Variants in TMEFF1 observed in about 807,000 individuals in gnomAD.
TMEFF1 encodes transmembrane protein with EGF like and two follistatin like domains 1.
A neutral mutation model predicts 47.5 loss-of-function variants in TMEFF1; 20 were observed. That is an observed-to-expected ratio of 0.42 (90% confidence interval 0.30 to 0.61). The LOEUF (loss-of-function observed/expected upper bound fraction) is 0.61, where lower values mean the gene tolerates loss of function less well. Among genes scored for constraint, TMEFF1 ranks in the 20% least tolerant of loss-of-function variants. The pLI, the probability that TMEFF1 is intolerant of heterozygous loss-of-function variation, is 0.19. For missense variants in TMEFF1, 411 were observed against 471.1 expected, an observed-to-expected ratio of 0.87 and a Z score of 1.18; for synonymous variants, 162 against 166.3, an observed-to-expected ratio of 0.97 and a Z score of 0.20.
At chr9:100,545,315 C>T (rs532910693) in intron 5 of TMEFF1, among the ~76,000 whole-genome samples, 1 of 152,320 alleles carries the variant, frequency 6.6e-6, no homozygotes, top group African/African-American at 2.4e-5. Context: ...GTTCCCAAAC[C>T]CCATTTCTTG....
chr9:100,563,329 G>A (rs941369635), intron 8 of TMEFF1, among the ~76,000 whole-genome samples: 4 of 152,224 alleles, frequency 2.6e-5, no homozygotes, highest in African/African-American at 9.6e-5. Flanking sequence ...CTTGATAGAA[G>A]TTTGGATCTT....
chr9:100,512,880 T>A (rs1029587370), intron 3 of TMEFF1, among the ~76,000 whole-genome samples: 2 of 152,138 alleles, frequency 1.3e-5, no homozygotes, highest in African/African-American at 4.8e-5. Context: ...GATTTTTTTT[T>A]TTGTAGTAAG....
intron 1 of TMEFF1, among the ~76,000 whole-genome samples, chr9:100,493,365 C>T (rs1016617777): frequency 3.9e-5 from 6 of 152,096 alleles, no homozygotes; most frequent in South Asian, 2.1e-4. Context: ...TTCTTTTTAA[C>T]GGAAGGGTGG....
At chr9:100,552,548 A>AT (rs1421680823) in intron 7 of TMEFF1, among the ~76,000 whole-genome samples, 1 of 152,154 alleles carries the variant, frequency 6.6e-6, no homozygotes, top group Non-Finnish European at 1.5e-5. Context: ...TTCAGTATAA[A>AT]TTTGTGAGTC....
intron 6 of TMEFF1, among the ~76,000 whole-genome samples, chr9:100,548,972 A>C (rs950337157): frequency 1.3e-5 from 2 of 152,140 alleles, no homozygotes; most frequent in Non-Finnish European, 2.9e-5. Context: ...TTGAGTGGGA[A>C]GACTAGCTTA....
At chr9:100,500,033 A>G (rs1010109712) in intron 2 of TMEFF1, among the ~76,000 whole-genome samples, 1 of 152,170 alleles carries the variant, frequency 6.6e-6, no homozygotes, top group Non-Finnish European at 1.5e-5. Context: ...CTGGCTTCAG[A>G]TCCCTGCTGC....
In TMEFF1 at chr9:100,497,320, CTTT is replaced by C. The variant is rs752427622; in HGVS notation, c.197-1423_197-1421del. On this transcript the variant is annotated intron_variant, in intron 1 of 9. Coordinates refer to ENST00000374879, the MANE Select transcript of TMEFF1 (RefSeq NM_003692.5). ...TCTTGCTTTAAGTTTCCACTCATGT[CTTT>C]TTTTTTTTTTTTTTTTTTTTTGGTG... 1.6e-3 allele frequency among the ~76,000 whole-genome samples: 95 copies of C among 59,544 alleles called. No individual in the cohort carries two copies. The East Asian group carries it at 0.041, about 26-fold the overall frequency. 39.1% of individuals were successfully genotyped at this position (59,544 alleles called of 152,430 possible).
chr9:100,473,776 C>A lies in TMEFF1; in HGVS notation c.196+36C>A. On this transcript the variant is annotated intron_variant, in intron 1 of 9. Coordinates refer to ENST00000374879, the MANE Select transcript of TMEFF1 (RefSeq NM_003692.5). This position sits in a 1 kb window ranked among gnomAD's most constrained non-coding sequence, Gnocchi z 5.4. ...TCGGAGCCGGCCCTAGGTCTTCCCACCCCTCCGTTGCCGCCTCCCTCGTGG... is the reference window on the plus strand; with the variant it reads ...TCGGAGCCGGCCCTAGGTCTTCCCAACCCTCCGTTGCCGCCTCCCTCGTGG... The A allele has an allele frequency of 7.0e-7, 1 of 1,438,354 alleles. No homozygotes were observed. Among genetic ancestry groups the A allele is most frequent in the Non-Finnish European group, 9.2e-7 (1 of 1,086,104 alleles). 89.1% of individuals were successfully genotyped at this position (1,438,354 alleles called of 1,614,324 possible).
intron 5 of TMEFF1, among the ~76,000 whole-genome samples, chr9:100,527,593 C>G (rs547126593): frequency 2.6e-5 from 4 of 152,194 alleles, no homozygotes; most frequent in African/African-American, 9.7e-5. Flanking sequence ...GGGTCCTACA[C>G]CCATATAGTC....
Position 100,496,779 on chromosome 9 carries a change from A to G in TMEFF1, c.197-1986A>G, listed in dbSNP as rs186317897. On this transcript the variant is annotated intron_variant, in intron 1 of 9. Coordinates refer to ENST00000374879, the MANE Select transcript of TMEFF1 (RefSeq NM_003692.5). ...AGTATTATCTTGCCTCGCAGACAAAATAAAAACTTTACTTATTCTTGTTTT... is the reference window on the plus strand; with the variant it reads ...AGTATTATCTTGCCTCGCAGACAAAGTAAAAACTTTACTTATTCTTGTTTT... Among the ~76,000 whole-genome samples the G allele has an allele frequency of 1.5e-4, 23 of 152,342 alleles. 1 individual carries two copies. The highest frequency in any genetic ancestry group is 1.3e-3 in the Admixed American group (20 of 15,298).
At chr9:100,516,961 A>G (rs889514814) in intron 5 of TMEFF1, among the ~76,000 whole-genome samples, 190 bp downstream of exon 5, 2 of 152,156 alleles carry the variant, frequency 1.3e-5, no homozygotes, top group Non-Finnish European at 2.9e-5. Flanking sequence ...TTTAAGTGTT[A>G]TAATTTTAGA....
chr9:100,561,021 C>T (rs1257358150), intron 7 of TMEFF1, among the ~76,000 whole-genome samples: 2 of 152,148 alleles, frequency 1.3e-5, no homozygotes, highest in Non-Finnish European at 2.9e-5. Context: ...AGTTCATTCC[C>T]CAAAAGCCAA....
intron 5 of TMEFF1, among the ~76,000 whole-genome samples, chr9:100,528,191 C>T (rs1181356292): frequency 6.6e-6 from 1 of 151,196 alleles, no homozygotes; most frequent in African/African-American, 2.4e-5. Flanking sequence ...CGCCTCTCCT[C>T]CTCCAAAGGA....
At chr9:100,504,003 A>G (rs1342778807) in intron 2 of TMEFF1, among the ~76,000 whole-genome samples, 3 of 152,218 alleles carry the variant, frequency 2.0e-5, no homozygotes, top group African/African-American at 7.2e-5. Flanking sequence ...TTCCTGACAC[A>G]CAGTAGGTAC....
chr9:100,502,115 G>A (rs1293762566), intron 2 of TMEFF1, among the ~76,000 whole-genome samples: 1 of 151,948 alleles, frequency 6.6e-6, no homozygotes, highest in African/African-American at 2.4e-5. Flanking sequence ...ATATAAATTT[G>A]TTTAATTCCC....
intron 1 of TMEFF1, among the ~76,000 whole-genome samples, chr9:100,492,320 C>G (rs1005622283): frequency 6.6e-6 from 1 of 152,166 alleles, no homozygotes; most frequent in Admixed American, 6.5e-5. Flanking sequence ...AAGTAGCTCA[C>G]CTTATTCAAG....
chr9:100,550,813 T>G (rs147272100), intron 7 of TMEFF1, among the ~76,000 whole-genome samples: 332 of 152,360 alleles, frequency 2.2e-3, no homozygotes, highest in African/African-American at 7.5e-3. Context: ...GTAGGTACTC[T>G]GTGCTTGTCT....
intron 5 of TMEFF1, among the ~76,000 whole-genome samples, chr9:100,536,040 CCTT>C (rs1378830412): frequency 5.9e-5 from 9 of 152,068 alleles, no homozygotes; most frequent in African/African-American, 1.9e-4. Flanking sequence ...ATTTTAACAA[CCTT>C]CTTTTATTTT....
intron 5 of TMEFF1, among the ~76,000 whole-genome samples, chr9:100,519,634 T>C (rs1029789336): frequency 5.5e-5 from 8 of 145,766 alleles, no homozygotes; most frequent in Non-Finnish European, 3.0e-5. Context: ...CTTTGAGGAC[T>C]GCTGCCCAGT....
Sources: allele counts gnomAD v4.1 joint callset (sites outside exome capture counted in the v4.1 genomes callset), GRCh38; gene constraint gnomAD v4.1.1; non-coding constraint Gnocchi (gnomAD v3.1); transcripts MANE v1.5; gene names NCBI Gene and HGNC (gene_info 2026-07-23, HGNC 2026-07-21).